The following DYNC1LI1 variants were observed in gnomAD, a reference collection of about 807,000 sequenced individuals.
The protein encoded by DYNC1LI1 is dynein cytoplasmic 1 light intermediate chain 1.
Under a neutral mutation model 63.8 loss-of-function variants are expected in DYNC1LI1, and 19 were observed. The observed-to-expected ratio is 0.30, with a 90% CI of 0.21 to 0.44. The LOEUF (loss-of-function observed/expected upper bound fraction) is 0.44. Among genes scored for constraint, DYNC1LI1 ranks in the 20% least tolerant of loss-of-function variants. The pLI, the probability that DYNC1LI1 is intolerant of heterozygous loss-of-function variation, is 1.00. For synonymous variants in DYNC1LI1, 225 were observed against 232.3 expected, an observed-to-expected ratio of 0.97 and a Z score of 0.28; for missense variants, 565 against 630.2, an observed-to-expected ratio of 0.90 and a Z score of 1.11.
intron 2 of DYNC1LI1, among the ~76,000 whole-genome samples, chr3:32,566,186 G>C (rs972620003): frequency 6.6e-6 from 1 of 151,206 alleles, no homozygotes; most frequent in South Asian, 2.1e-4. Flanking sequence ...GCAGGAGGAC[G>C]GTTTGAGCCC....
rs150256387 is a variant in DYNC1LI1 at position 32,540,415 on chromosome 3, C to G, written c.738+622G>C. Among the ~76,000 whole-genome samples, 270 of 151,898 alleles carry G rather than the reference C, an allele frequency of 1.8e-3. 1 individual carries two copies. The highest frequency in any genetic ancestry group is 6.3e-3 in the African/African-American group (263 of 41,482). On this transcript the variant is annotated intron_variant, in intron 5 of 12. Transcript: ENST00000273130. ...AATGTTGAGGCTGGGCACAGTGGCT[C>G]ACACCTGCAATCCCAGCACTTTGGG...
At chr3:32,537,424 C>T (rs1055583439) in intron 5 of DYNC1LI1, among the ~76,000 whole-genome samples, 7 of 152,038 alleles carry the variant, frequency 4.6e-5, no homozygotes, top group African/African-American at 1.7e-4. Flanking sequence ...TTGCTAATAA[C>T]TCAACTACTT....
At chr3:32,535,556 C>T (rs561933801) in intron 6 of DYNC1LI1, among the ~76,000 whole-genome samples, 241 of 152,186 alleles carry the variant, frequency 1.6e-3, no homozygotes, top group Non-Finnish European at 2.5e-3. Context: ...ACTAAACTTA[C>T]TTTGATACGA....
At chr3:32,570,145 G>A (rs1362198582) in intron 2 of DYNC1LI1, 3 of 693,694 alleles carry the variant, frequency 4.3e-6, no homozygotes, top group Admixed American at 2.0e-5. Context: ...AGGAACCTGA[G>A]GGAGGGCGGG....
intron 4 of DYNC1LI1, among the ~76,000 whole-genome samples, chr3:32,544,002 G>A (rs1459751425): frequency 3.3e-5 from 5 of 151,666 alleles, no homozygotes; most frequent in African/African-American, 1.2e-4. Context: ...GCGGGCAGAG[G>A]TTGCAGTGAA....
chr3:32,562,499 CAG>C (rs1391897743), intron 2 of DYNC1LI1, among the ~76,000 whole-genome samples: 1 of 152,076 alleles, frequency 6.6e-6, no homozygotes, highest in African/African-American at 2.4e-5. Flanking sequence ...GCCACCACAC[CAG>C]CTATTTAAAA....
At chr3:32,553,920 T>C (rs532890694) in intron 2 of DYNC1LI1, among the ~76,000 whole-genome samples, 1 of 152,332 alleles carries the variant, frequency 6.6e-6, no homozygotes, top group Non-Finnish European at 1.5e-5. Context: ...AGCAAGACTG[T>C]TTGGGAGCCA....
chr3:32,570,580 G>A (rs1431704193), intron 1 of DYNC1LI1, 45 bp downstream of exon 1: 1 of 1,541,426 alleles, frequency 6.5e-7, no homozygotes, highest in Admixed American at 2.0e-5. Flanking sequence ...GTCCGCGCAA[G>A]GCCGGGGGAG....
intron 4 of DYNC1LI1, 46 bp downstream of exon 4, chr3:32,544,830 G>C (rs1218116284): frequency 7.4e-7 from 1 of 1,360,234 alleles, no homozygotes; most frequent in East Asian, 2.3e-5. Flanking sequence ...AGTCAGCCAA[G>C]ACATTTTGTA....
chr3:32,528,112 CA>C (rs60912161), intron 12 of DYNC1LI1, among the ~76,000 whole-genome samples: 177 of 29,854 alleles, frequency 5.9e-3, no homozygotes, highest in African/African-American at 9.8e-3. Flanking sequence ...GACTCCATCT[CA>C]AAAAAAAAAA....
chr3:32,528,318 TG>T (rs2125428189), intron 12 of DYNC1LI1, 127 bp downstream of exon 12: 3 of 946,748 alleles, frequency 3.2e-6, no homozygotes, highest in East Asian at 5.4e-5. Context: ...AATCAGATTA[TG>T]GTGATGGCCT....
chr3:32,533,933 G>A (rs1363799730), intron 7 of DYNC1LI1, among the ~76,000 whole-genome samples: 2 of 143,114 alleles, frequency 1.4e-5, no homozygotes, highest in East Asian at 4.1e-4. Context: ...CTGGAGTGAA[G>A]TGGTGCGATT....
Position 32,528,619 on chromosome 3 carries a change from A to C in DYNC1LI1, c.1307-18T>G, listed in dbSNP as rs1212808779. On this transcript the variant is annotated intron_variant, in intron 11 of 12. Coordinates refer to ENST00000273130, the MANE Select transcript of DYNC1LI1 (RefSeq NM_016141.4). Reference sequence around the variant, plus strand: ...AGCTCCAGCTATAAAAAAATAAAAAAACAAAAAGCTTTAGCCAAAACATAA... The same window carrying C: ...AGCTCCAGCTATAAAAAAATAAAAACACAAAAAGCTTTAGCCAAAACATAA... The C allele has an allele frequency of 3.8e-6, 6 of 1,585,330 alleles. No individual in the cohort carries two copies. In the African/African-American group the frequency reaches 8.2e-5, roughly 22 times the overall value.
intron 2 of DYNC1LI1, among the ~76,000 whole-genome samples, chr3:32,561,424 C>G (rs148181520): frequency 1.3e-5 from 2 of 151,260 alleles, no homozygotes; most frequent in East Asian, 3.9e-4. Context: ...GTCAGGAGAT[C>G]GAGACCATCC....
intron 5 of DYNC1LI1, among the ~76,000 whole-genome samples, chr3:32,538,563 T>C (rs1697832713): frequency 6.6e-6 from 1 of 152,128 alleles, no homozygotes; most frequent in African/African-American, 2.4e-5. Flanking sequence ...TAGCCGGCCA[T>C]GGTGGCGGGC....
chr3:32,553,842 T>TG (rs1256667076), intron 2 of DYNC1LI1, among the ~76,000 whole-genome samples: 3 of 152,234 alleles, frequency 2.0e-5, no homozygotes, highest in Non-Finnish European at 4.4e-5. Context: ...TCTGGATTCA[T>TG]AGGAATTTAA....
intron 3 of DYNC1LI1, 99 bp from the exon 4 acceptor site, chr3:32,545,205 G>C (rs749147509): frequency 1.0e-5 from 8 of 777,794 alleles, no homozygotes; most frequent in Admixed American, 2.4e-5. Context: ...CTCCACAGGA[G>C]ATGTGCTATT....
intron 2 of DYNC1LI1, among the ~76,000 whole-genome samples, chr3:32,546,312 G>A (rs1355946283): frequency 1.3e-5 from 2 of 152,118 alleles, no homozygotes; most frequent in Admixed American, 6.6e-5. Context: ...GGAGGCTGAG[G>A]CAGAAGAATC....
intron 8 of DYNC1LI1, chr3:32,532,498 T>TATATATATATATATATATATATATATAG (rs1431195683): frequency 6.8e-6 from 1 of 146,816 alleles, no homozygotes. Context: ...TATATATATA[T>TATATATATATATATATATATATATATAG]ATATATATAA....
Sources: gnomAD v4.1 joint callset for allele counts (sites outside exome capture counted in the v4.1 genomes callset) on GRCh38, gnomAD v4.1.1 for gene constraint, MANE v1.5 for transcripts, NCBI Gene and HGNC (gene_info 2026-07-23, HGNC 2026-07-21) for gene names.